The following KDR variants were observed in gnomAD, a reference collection of about 807,000 sequenced individuals.
The protein encoded by KDR is kinase insert domain receptor, also known as vascular endothelial growth factor receptor 2.
A neutral mutation model predicts 160.9 loss-of-function variants in KDR; 43 were observed. The observed-to-expected ratio is 0.27, with a 90% CI of 0.21 to 0.34. KDR has a LOEUF of 0.34. Among genes scored for constraint, KDR ranks in the 10% least tolerant of loss-of-function variants. The pLI is 1.00. For missense variants in KDR, 1,469 were observed against 1,666.4 expected (o/e 0.88, Z 2.06); for synonymous variants, 617 against 600.1 (o/e 1.03, Z -0.41).
intron 6 of KDR, among the ~76,000 whole-genome samples, chr4:55,113,794 C>G (rs1168639615): frequency 6.6e-6 from 1 of 152,120 alleles, no homozygotes; most frequent in East Asian, 1.9e-4. Context: ...AAGAGAAATT[C>G]CCTTAAAAGG....
chr4:55,115,249 C>T (rs1274403485), intron 4 of KDR, 32 bp downstream of exon 4: 1 of 1,578,288 alleles, frequency 6.3e-7, no homozygotes, highest in Admixed American at 1.7e-5. Flanking sequence ...ATTATAAAAA[C>T]TTAAGAGACG....
chr4:55,120,851 C>CGTGTGTGT (rs3034659), intron 2 of KDR, among the ~76,000 whole-genome samples: 11 of 150,050 alleles, frequency 7.3e-5, no homozygotes, highest in East Asian at 5.9e-4. Flanking sequence ...TATTTGTGTG[C>CGTGTGTGT]GTGTGTGTGT....
chr4:55,106,963 T>C (rs1427589649), intron 10 of KDR, among the ~76,000 whole-genome samples, 153 bp from the exon 11 acceptor site: 4 of 152,162 alleles, frequency 2.6e-5, no homozygotes, highest in Admixed American at 6.6e-5. Flanking sequence ...CAATTAAAAA[T>C]AGGCATTGAC....
At chr4:55,114,331 T>A (rs891983195) in intron 5 of KDR, 66 bp from the exon 6 acceptor site, 6 of 1,550,002 alleles carry the variant, frequency 3.9e-6, no homozygotes, top group Non-Finnish European at 5.3e-6. Flanking sequence ...TTGCACAGAT[T>A]TATTTTTTAA....
Position 55,087,622 on chromosome 4 carries a change from T to G in KDR, c.3647A>C (p.Asn1216Thr), listed in dbSNP as rs200996447. 2.0e-5 allele frequency: 33 copies of G among 1,614,168 alleles called. No homozygotes were observed. Among genetic ancestry groups the G allele is most frequent in the Non-Finnish European group, 2.7e-5 (32 of 1,180,000 alleles). The change falls in exon 27 of 30, where the codon AAC becomes ACC. Residue 1216 changes from asparagine to threonine, a missense_variant. Asn to Thr is a moderately conservative substitution (Grantham distance 65, BLOSUM62 0). Around this residue, in one of 7 missense-constraint regions of KDR, gnomAD observed 229 missense variants for 197.8 expected, o/e 1.16. Coordinates refer to ENST00000263923, the MANE Select transcript of KDR (RefSeq NM_002253.4). The stretch of plus-strand genomic sequence containing the variant: ...TATACAGTACCTGATTCCTGCTGTG[T>G]TGTCATAATGGAATTTGGGGTCACA... ...EVCDPKFHYD[N>T]TAGISQYLQN... is the part of the protein sequence containing the mutation.
At chr4:55,096,036 T>C (rs1356240816) in intron 19 of KDR, among the ~76,000 whole-genome samples, 193 bp downstream of exon 19, 2 of 152,192 alleles carry the variant, frequency 1.3e-5, no homozygotes, top group Non-Finnish European at 2.9e-5. Context: ...TGACATTTCT[T>C]AATTCAGAGA....
At chr4:55,102,283 T>C in intron 14 of KDR, 79 bp downstream of exon 14, 2 of 1,516,462 alleles carry the variant, frequency 1.3e-6, no homozygotes, top group Non-Finnish European at 1.8e-6. Flanking sequence ...CTACATTACA[T>C]CAAGAAATAA....
chr4:55,098,754 C>T lies in KDR; in HGVS notation c.2316G>A (p.Ala772=), dbSNP rs370750952. Residue 772 remains alanine (A), a synonymous_variant, in exon 16 of 30, where the codon GCG becomes GCA. Transcript: ENST00000263923. Reference sequence around the variant, plus strand: ...GTAGCCAGAAGAACATGGCAATCACCGCCGTGCCTACTAGAATAATGATTT... The same window carrying T: ...GTAGCCAGAAGAACATGGCAATCACTGCCGTGCCTACTAGAATAATGATTT... ...NLEIIILVGT[A]VIAMFFWLLL... The T allele has an allele frequency of 4.4e-5, 71 of 1,613,336 alleles. No individual in the cohort carries two copies. The highest frequency in any genetic ancestry group is 3.2e-4 in the African/African-American group (24 of 74,948).
intron 20 of KDR, 142 bp from the exon 21 acceptor site, chr4:55,095,097 T>G: frequency 1.2e-6 from 1 of 843,156 alleles, no homozygotes; most frequent in Non-Finnish European, 1.9e-6. Context: ...TTCAGGATTA[T>G]GCAATCTCTG....
At chr4:55,120,563 C>T (rs1182926890) in intron 2 of KDR, among the ~76,000 whole-genome samples, 4 of 152,158 alleles carry the variant, frequency 2.6e-5, no homozygotes, top group Non-Finnish European at 5.9e-5. Context: ...TTATGTAGAT[C>T]ATGCGCTCAG....
At chr4:55,121,927 A>G (rs1720889040) in intron 1 of KDR, among the ~76,000 whole-genome samples, 1 of 152,158 alleles carries the variant, frequency 6.6e-6, no homozygotes, top group Non-Finnish European at 1.5e-5. Context: ...TTTTTTAAAA[A>G]GTATATGAAT....
chr4:55,101,847 C>T, intron 15 of KDR, 50 bp downstream of exon 15: 1 of 1,475,066 alleles, frequency 6.8e-7, no homozygotes, highest in Non-Finnish European at 9.4e-7. Context: ...TTTACGGCTG[C>T]ATAGCATTCC....
intron 3 of KDR, 67 bp downstream of exon 3, chr4:55,118,537 C>G: frequency 7.9e-7 from 1 of 1,269,740 alleles, no homozygotes. Context: ...CTCAATTCTT[C>G]TTTGAGCCTA....
intron 4 of KDR, 109 bp downstream of exon 4, chr4:55,115,172 C>A: frequency 8.0e-7 from 1 of 1,246,026 alleles, no homozygotes; most frequent in South Asian, 1.3e-5. Flanking sequence ...TTTGACCCTT[C>A]CTAAAGGATC....
rs140825421 is a variant in KDR at position 55,104,862 on chromosome 4, G to A, written c.1768C>T (p.Pro590Ser). Reference protein sequence around the residue: ...NLTWYKLGPQPLPIHVGELPT... With the variant: ...NLTWYKLGPQSLPIHVGELPT... ...AACTCTCCCACATGGATTGGCAGAGGCTGTGGGCCAAGCTTGTACCATGTG... is the reference window on the plus strand; with the variant it reads ...AACTCTCCCACATGGATTGGCAGAGACTGTGGGCCAAGCTTGTACCATGTG... The change falls in exon 13 of 30, where the codon CCT becomes TCT. Residue 590 changes from proline to serine, a missense_variant. Physicochemically the swap from Pro to Ser is moderately conservative, Grantham distance 74. Around this residue, in one of 7 missense-constraint regions of KDR, gnomAD observed 792 missense variants for 840.9 expected, o/e 0.94. Coordinates refer to ENST00000263923, the MANE Select transcript of KDR (RefSeq NM_002253.4). 31 of 1,613,874 alleles carry A rather than the reference G, an allele frequency of 1.9e-5. No homozygotes were observed. Among genetic ancestry groups the A allele is most frequent in the Middle Eastern group, 1.6e-4 (1 of 6,084 alleles).
chr4:55,119,226 C>T (rs1439624867), intron 2 of KDR, among the ~76,000 whole-genome samples: 2 of 151,756 alleles, frequency 1.3e-5, no homozygotes, highest in African/African-American at 2.4e-5. Flanking sequence ...AAAACAAAGT[C>T]TTCTACCAAC....
chr4:55,098,866 G>T, intron 15 of KDR, 63 bp from the exon 16 acceptor site: 3 of 1,330,250 alleles, frequency 2.3e-6, no homozygotes, highest in South Asian at 2.4e-5. Flanking sequence ...TTTGTAAGAT[G>T]ACAAATTTTA....
chr4:55,113,395 A>G lies in KDR; in HGVS notation c.885T>C (p.Asp295=), dbSNP rs760317706. The change falls in exon 7 of 30, where the codon GAT becomes GAC. Residue 295 remains aspartate (D), a synonymous_variant. Transcript: ENST00000263923. ...MKKFLSTLTI[D]GVTRSDQGLY... is the part of the protein sequence containing the mutation. ...ATCCTTGGTCACTCCGGGTTACACC[A>G]TCTATAGTTAAGGTGCTCAAAAATT... is the stretch of plus-strand genomic sequence containing the variant. 5 of 1,613,946 alleles carry G rather than the reference A, an allele frequency of 3.1e-6. No individual in the cohort carries two copies. The Admixed American group carries it at 5.0e-5, about 16-fold the overall frequency.
At chr4:55,080,224 C>G in intron 29 of KDR, 61 bp from the exon 30 acceptor site, 1 of 1,483,442 alleles carries the variant, frequency 6.7e-7, no homozygotes, top group Non-Finnish European at 9.4e-7. Context: ...TTGCTTTTTA[C>G]CCTCACCCCA....
Sources: allele counts gnomAD v4.1 joint callset (sites outside exome capture counted in the v4.1 genomes callset), GRCh38; gene constraint gnomAD v4.1.1; regional missense constraint gnomAD v4.1.1; transcripts MANE v1.5; gene names NCBI Gene and HGNC (gene_info 2026-07-23, HGNC 2026-07-21).